SGK2: variants seen among roughly 807,000 people sequenced by gnomAD.
SGK2 encodes the protein serum/glucocorticoid regulated kinase 2.
A neutral mutation model predicts 47.5 loss-of-function variants in SGK2; 36 were observed. The observed-to-expected ratio is 0.76, with a 90% CI of 0.58 to 1.00. The LOEUF is 1.00. Among genes scored for constraint, SGK2 ranks in the 50% least tolerant of loss-of-function variants. The pLI is 0.00. For missense variants in SGK2, 404 were observed against 467.4 expected (o/e 0.86, Z 1.25); for synonymous variants, 157 against 181.9 (o/e 0.86, Z 1.10).
chr20:43,581,166 T>C (rs1000370024), intron 12 of SGK2, among the ~76,000 whole-genome samples: 39 of 152,218 alleles, frequency 2.6e-4, no homozygotes, highest in Non-Finnish European at 4.1e-4. Context: ...TGAGCCACCG[T>C]GCCTGGCCTG....
intron 5 of SGK2, among the ~76,000 whole-genome samples, chr20:43,568,372 G>A (rs934176771): frequency 1.3e-5 from 2 of 152,200 alleles, no homozygotes; most frequent in African/African-American, 4.8e-5. Flanking sequence ...GTGCAGTAGT[G>A]CAATCACAGC....
chr20:43,568,067 A>G, intron 5 of SGK2, 68 bp downstream of exon 5: 6 of 1,330,380 alleles, frequency 4.5e-6, no homozygotes, highest in South Asian at 2.4e-5. Flanking sequence ...TGGCTTTCAA[A>G]GATGGGTCCC....
intron 12 of SGK2, 149 bp from the exon 13 acceptor site, chr20:43,584,703 T>C (rs779722190): frequency 5.9e-5 from 39 of 666,200 alleles, no homozygotes; most frequent in Non-Finnish European, 9.6e-5. Flanking sequence ...AAATGATCAA[T>C]GTAAATGCAC....
intron 5 of SGK2, 101 bp downstream of exon 5, chr20:43,568,100 T>A (rs762574130): frequency 6.8e-6 from 6 of 886,372 alleles, no homozygotes; most frequent in Non-Finnish European, 1.1e-5. Flanking sequence ...TCCATGGGCC[T>A]GGGTGCAGAA....
rs1243734752 is a variant in SGK2, at chr20:43,572,013, C to T, written c.511-38C>T. On this transcript the variant is annotated intron_variant, in intron 8 of 12. Coordinates refer to ENST00000373100, the MANE Select transcript of SGK2 (RefSeq NM_170693.3). The surrounding 1 kb of genome is among the most constrained non-coding windows in gnomAD (Gnocchi z 4.2). ...GTTAGGCCTGGCCATACCCTTGGCT[C>T]ATACCACCCTCCAGCCCATGCCCTC... The T allele has an allele frequency of 4.7e-6, 7 of 1,483,640 alleles. No homozygotes were observed. Among genetic ancestry groups the T allele is most frequent in the Non-Finnish European group, 6.4e-6 (7 of 1,087,616 alleles). The allele number at this position is 1,483,640 out of a possible 1,614,324, so 91.9% of individuals were successfully genotyped here. A position where few individuals can be genotyped will look rare whatever the true frequency, so the allele number is the denominator to read the frequency against.
intron 12 of SGK2, 132 bp from the exon 13 acceptor site, chr20:43,584,720 G>T: frequency 1.4e-6 from 1 of 696,880 alleles, no homozygotes; most frequent in East Asian, 2.5e-5. Context: ...GCACAGGAAA[G>T]TGACAGTCAA....
Position 43,568,023 on chromosome 20 carries a change from TTTC to T in SGK2, c.228+32_228+34del, listed in dbSNP as rs950121126. 1.4e-5 allele frequency: 23 copies of T among 1,597,848 alleles called. No homozygotes were observed. In the Admixed American group the frequency reaches 1.8e-4, roughly 13 times the overall value. ...AGGTACCAGAGCTCGGGCACAGGCA[TTTC>T]TTCTTCTGCTTCTCAAGCCGCAGCC... is the stretch of plus-strand genomic sequence containing the variant. On this transcript the variant is annotated intron_variant, in intron 5 of 12. Coordinates refer to ENST00000373100, the MANE Select transcript of SGK2 (RefSeq NM_170693.3).
At chr20:43,569,319 G>T in intron 5 of SGK2, 66 bp from the exon 6 acceptor site, 1 of 1,591,746 alleles carries the variant, frequency 6.3e-7, no homozygotes. Context: ...GCTTATATGG[G>T]CTGAGCCGGG....
At chr20:43,584,766 G>T (rs768397797) in intron 12 of SGK2, 86 bp from the exon 13 acceptor site, 43 of 1,053,778 alleles carry the variant, frequency 4.1e-5, no homozygotes, top group Non-Finnish European at 5.9e-5. Context: ...CACTCACAGA[G>T]GCCTGACATC....
At chr20:43,568,918 G>T (rs554060765) in intron 5 of SGK2, among the ~76,000 whole-genome samples, 7 of 152,158 alleles carry the variant, frequency 4.6e-5, no homozygotes, top group Non-Finnish European at 4.4e-5. Context: ...AGGTCTCCGT[G>T]GGGGGTGGAA....
chr20:43,560,498 CAA>C (rs5841509), intron 1 of SGK2, among the ~76,000 whole-genome samples: 2,312 of 117,846 alleles, frequency 0.02, 22 homozygotes, highest in Non-Finnish European at 0.023. Context: ...GACTCCATCT[CAA>C]AAAAAAAAAA....
At chr20:43,566,990 G>C (rs1405560532) in intron 2 of SGK2, 78 bp from the exon 3 acceptor site, 3 of 1,187,758 alleles carry the variant, frequency 2.5e-6, no homozygotes, top group Admixed American at 1.8e-5. Flanking sequence ...GTTGGAGAAG[G>C]GATCAGGGCC....
At chr20:43,559,317 C>T (rs1449626412) in intron 1 of SGK2, among the ~76,000 whole-genome samples, 158 bp downstream of exon 1, 1 of 152,154 alleles carries the variant, frequency 6.6e-6, no homozygotes, top group African/African-American at 2.4e-5. Context: ...TCCTTTCCTT[C>T]CTTCCCTCCC....
chr20:43,561,386 ATT>A (rs5841510), intron 1 of SGK2, among the ~76,000 whole-genome samples: 24,754 of 112,150 alleles, frequency 0.22, 1,961 homozygotes, highest in Middle Eastern at 0.27. Context: ...GAGGCTTTGG[ATT>A]TTTTTTTTTT....
intron 1 of SGK2, among the ~76,000 whole-genome samples, chr20:43,563,539 G>A (rs1279277063): frequency 1.3e-5 from 2 of 152,160 alleles, no homozygotes; most frequent in African/African-American, 4.8e-5. Context: ...GAAGAGGACT[G>A]GAGACAAGGA....
At chr20:43,584,564 T>A (rs1040221033) in intron 12 of SGK2, among the ~76,000 whole-genome samples, 1 of 152,174 alleles carries the variant, frequency 6.6e-6, no homozygotes, top group Non-Finnish European at 1.5e-5. Flanking sequence ...AGGGGCTCAC[T>A]TTATCTTGTT....
chr20:43,582,489 G>A (rs1980860849), intron 12 of SGK2, among the ~76,000 whole-genome samples: 1 of 150,348 alleles, frequency 6.7e-6, no homozygotes, highest in African/African-American at 2.4e-5. Context: ...CTTGGTTCAA[G>A]CAATTCTCCT....
intron 3 of SGK2, 120 bp from the exon 4 acceptor site, chr20:43,567,545 C>T: frequency 2.3e-6 from 2 of 887,870 alleles, no homozygotes; most frequent in Admixed American, 4.2e-5. Flanking sequence ...GGAGGCATGG[C>T]TCCTGGAAGG....
chr20:43,579,964 T>G lies in SGK2; in HGVS notation c.850-8T>G. The G allele has an allele frequency of 6.2e-7, 1 of 1,609,536 alleles. No individual in the cohort carries two copies. On this transcript the variant is annotated splice_region_variant and splice_polypyrimidine_tract_variant and intron_variant, in intron 11 of 12. Transcript: ENST00000373100. Reference sequence around the variant, plus strand: ...CTAACCAGAACCTTTTTTCTGCACTTCCTGCAGCTTGAGATTAAGAACCAT... The same window carrying G: ...CTAACCAGAACCTTTTTTCTGCACTGCCTGCAGCTTGAGATTAAGAACCAT...
Sources: gnomAD v4.1 joint callset for allele counts (sites outside exome capture counted in the v4.1 genomes callset) on GRCh38, gnomAD v4.1.1 for gene constraint, Gnocchi (gnomAD v3.1) non-coding constraint, MANE v1.5 for transcripts, NCBI Gene and HGNC (gene_info 2026-07-23, HGNC 2026-07-21) for gene names.